Variants in MAP4K5 observed in about 807,000 individuals in gnomAD.
MAP4K5 encodes the protein MAPK/ERK kinase kinase kinase 5.
In MAP4K5, 82 loss-of-function variants were observed where a neutral mutation model predicts 135.6. That is an observed-to-expected ratio of 0.60 (90% CI 0.51 to 0.73). The LOEUF (loss-of-function observed/expected upper bound fraction) is 0.73. MAP4K5 is among the 30% of genes least tolerant of loss of function. MAP4K5 has a pLI of 0.00. For missense variants in MAP4K5, 907 were observed against 1,010.9 expected, an observed-to-expected ratio of 0.90 and a Z score of 1.39; for synonymous variants, 347 against 335.0, an observed-to-expected ratio of 1.04 and a Z score of -0.39.
At chr14:50,518,569 C>A (rs541090126) in intron 2 of MAP4K5, among the ~76,000 whole-genome samples, 38 of 152,350 alleles carry the variant, frequency 2.5e-4, no homozygotes, top group African/African-American at 8.9e-4. Flanking sequence ...TGGACAGGTG[C>A]TTCCTATCCC....
intron 9 of MAP4K5, among the ~76,000 whole-genome samples, chr14:50,469,653 T>C (rs1395964330): frequency 2.0e-5 from 3 of 152,200 alleles, no homozygotes; most frequent in East Asian, 3.9e-4. Flanking sequence ...ACTTAAGATA[T>C]AGATCTGAGG....
At chr14:50,546,009 G>A (rs901606936) in intron 1 of MAP4K5, among the ~76,000 whole-genome samples, 1 of 152,022 alleles carries the variant, frequency 6.6e-6, no homozygotes, top group African/African-American at 2.4e-5. Flanking sequence ...TAAACTACTG[G>A]TGTTGAAATC....
At chr14:50,519,791 G>A (rs1022947692) in intron 2 of MAP4K5, among the ~76,000 whole-genome samples, 4 of 152,146 alleles carry the variant, frequency 2.6e-5, no homozygotes, top group Non-Finnish European at 4.4e-5. Flanking sequence ...ATATAGGAAG[G>A]TGAGTCCTAC....
rs1355716522 is a variant in MAP4K5, at chr14:50,485,629, A to G, written c.271T>C (p.Trp91Arg). Residue 91 changes from tryptophan to arginine, a missense_variant, in exon 5 of 33, where the codon TGG becomes CGG. Coordinates refer to ENST00000682126, the MANE Select transcript of MAP4K5 (RefSeq NM_006575.6). ...CCACCACAGTATTCCATACAAATCC[A>G]TAGTTTTTCCCGACTAATACAAAAA... The part of the protein sequence containing the change: ...FGSYLSREKL[W>R]ICMEYCGGGS... The G allele has an allele frequency of 6.5e-7, 1 of 1,546,208 alleles. No homozygotes were observed. The highest frequency in any genetic ancestry group is 2.4e-5 in the East Asian group (1 of 41,430).
intron 20 of MAP4K5, 85 bp from the exon 21 acceptor site, chr14:50,442,901 C>CA: frequency 2.7e-6 from 2 of 734,826 alleles, no homozygotes; most frequent in Non-Finnish European, 4.5e-6. Flanking sequence ...ATTGAAATAC[C>CA]AAATTAACTC....
chr14:50,529,409 G>T (rs1334103006), intron 2 of MAP4K5, among the ~76,000 whole-genome samples: 2 of 151,994 alleles, frequency 1.3e-5, no homozygotes, highest in Non-Finnish European at 2.9e-5. Flanking sequence ...CAAACAGAAG[G>T]CATTACAGGA....
chr14:50,421,002 G>GA (rs2035717392), intron 32 of MAP4K5, among the ~76,000 whole-genome samples: 1 of 151,788 alleles, frequency 6.6e-6, no homozygotes, highest in East Asian at 1.9e-4. Flanking sequence ...AGGAATGGGA[G>GA]AAAAAAAACT....
At chr14:50,518,018 G>C (rs1232917519) in intron 2 of MAP4K5, among the ~76,000 whole-genome samples, 3 of 152,122 alleles carry the variant, frequency 2.0e-5, no homozygotes, top group African/African-American at 7.2e-5. Context: ...GTAACAGCAA[G>C]GAATTACTAA....
chr14:50,497,037 C>A (rs940417939), intron 3 of MAP4K5, among the ~76,000 whole-genome samples: 1 of 151,976 alleles, frequency 6.6e-6, no homozygotes, highest in Non-Finnish European at 1.5e-5. Context: ...GTTATCAAAA[C>A]GAAAACTAAT....
intron 3 of MAP4K5, among the ~76,000 whole-genome samples, chr14:50,501,296 A>C (rs2037701072): frequency 6.6e-6 from 1 of 152,122 alleles, no homozygotes; most frequent in African/African-American, 2.4e-5. Flanking sequence ...TAAACTGATA[A>C]ACTAAAACAC....
intron 16 of MAP4K5, 74 bp from the exon 17 acceptor site, chr14:50,446,195 G>A (rs964024804): frequency 1.1e-5 from 10 of 878,226 alleles, no homozygotes; most frequent in Non-Finnish European, 1.8e-5. Context: ...TATTAAATAT[G>A]TATTAAAATC....
intron 3 of MAP4K5, among the ~76,000 whole-genome samples, chr14:50,500,894 C>A (rs1158290655): frequency 1.3e-5 from 2 of 152,090 alleles, no homozygotes; most frequent in Non-Finnish European, 2.9e-5. Flanking sequence ...GAAGAATAAT[C>A]AATTTATGGA....
intron 1 of MAP4K5, among the ~76,000 whole-genome samples, chr14:50,557,682 G>T (rs1303330075): frequency 6.6e-6 from 1 of 152,104 alleles, no homozygotes; most frequent in Non-Finnish European, 1.5e-5. Context: ...TACTATTGAG[G>T]TATTTCTTCA....
At chr14:50,518,380 A>C (rs1191276724) in intron 2 of MAP4K5, among the ~76,000 whole-genome samples, 2 of 152,104 alleles carry the variant, frequency 1.3e-5, no homozygotes, top group Non-Finnish European at 2.9e-5. Context: ...CCTGTCCTCT[A>C]AGTTACTTCT....
At chr14:50,549,295 G>T (rs930139676) in intron 1 of MAP4K5, among the ~76,000 whole-genome samples, 1 of 152,178 alleles carries the variant, frequency 6.6e-6, no homozygotes, top group Non-Finnish European at 1.5e-5. Flanking sequence ...TACATCATAA[G>T]AGCAGCCACA....
intron 2 of MAP4K5, among the ~76,000 whole-genome samples, chr14:50,520,165 C>T (rs1034467330): frequency 1.3e-5 from 2 of 151,804 alleles, no homozygotes; most frequent in Admixed American, 1.3e-4. Flanking sequence ...GAGCTCAAGA[C>T]CAGCTTGGCC....
chr14:50,427,575 TA>T (rs768581716), intron 30 of MAP4K5, among the ~76,000 whole-genome samples: 8 of 152,208 alleles, frequency 5.3e-5, no homozygotes, highest in Non-Finnish European at 1.2e-4. Context: ...AAGTACATGT[TA>T]TTTTTTATGG....
intron 21 of MAP4K5, among the ~76,000 whole-genome samples, chr14:50,442,217 G>A (rs1287073807): frequency 6.6e-6 from 1 of 151,980 alleles, no homozygotes; most frequent in Non-Finnish European, 1.5e-5. Flanking sequence ...CTAAATACCT[G>A]TAACACAAAT....
At chr14:50,427,904 C>T (rs566140200) in intron 30 of MAP4K5, among the ~76,000 whole-genome samples, 1 of 152,132 alleles carries the variant, frequency 6.6e-6, no homozygotes, top group Non-Finnish European at 1.5e-5. Context: ...ACACACACCA[C>T]CCAGAATCTT....
Sources: gnomAD v4.1 joint callset for allele counts (sites outside exome capture counted in the v4.1 genomes callset) on GRCh38, gnomAD v4.1.1 for gene constraint, MANE v1.5 for transcripts, NCBI Gene and HGNC (gene_info 2026-07-23, HGNC 2026-07-21) for gene names.